RAP1GAP2: variants seen among roughly 807,000 people sequenced by gnomAD.
RAP1GAP2 encodes the protein rap1 GTPase-activating protein 2.
Under a neutral mutation model 95.0 loss-of-function variants are expected in RAP1GAP2, and 27 were observed. The observed-to-expected ratio is 0.28, with a 90% CI of 0.21 to 0.39. The LOEUF (loss-of-function observed/expected upper bound fraction) is 0.39, where lower values mean the gene tolerates loss of function less well. Ranked by LOEUF, RAP1GAP2 falls within the 10% of genes least tolerant of loss-of-function variation. RAP1GAP2 has a pLI of 1.00. For missense variants in RAP1GAP2, 771 were observed against 970.0 expected, an observed-to-expected ratio of 0.79 and a Z score of 2.72; for synonymous variants, 373 against 380.9, an observed-to-expected ratio of 0.98 and a Z score of 0.24.
At chr17:2,862,254 C>G (rs965526655) in intron 2 of RAP1GAP2, among the ~76,000 whole-genome samples, 5 of 152,176 alleles carry the variant, frequency 3.3e-5, no homozygotes, top group African/African-American at 1.2e-4. Context: ...GCAGAGGCAG[C>G]CTCCCTTCAT....
chr17:2,854,219 C>T (rs946046276), intron 2 of RAP1GAP2: 53 of 897,880 alleles, frequency 5.9e-5, no homozygotes, highest in Non-Finnish European at 6.4e-5. Context: ...AAAGCCTCCT[C>T]TCCAGGTACC....
chr17:2,783,969 T>A (rs552952552), intron 1 of RAP1GAP2, among the ~76,000 whole-genome samples: 4 of 152,258 alleles, frequency 2.6e-5, no homozygotes, highest in African/African-American at 9.6e-5. Context: ...ATTTCACTTT[T>A]TATTTTATTT....
In RAP1GAP2 at chr17:2,963,977, AG is replaced by A; in HGVS notation, c.403del (p.Glu135LysfsTer33). 6.2e-7 allele frequency: 1 copy of A among 1,612,852 alleles called. No homozygotes were observed. The highest frequency in any genetic ancestry group is 8.5e-7 in the Non-Finnish European group (1 of 1,179,678). The stretch of plus-strand genomic sequence containing the variant: ...CTGGGGAGCAGCATCTGTGAGGAGG[AG>A]GAAGAGGACAACCTCAGCCCCAACA... ...TSLGSSICEE[E>X]EEDNLSPNTF... On this transcript the variant is annotated frameshift_variant, in exon 7 of 25. Transcript: ENST00000254695. LOFTEE classifies it high-confidence loss of function. The surrounding 1 kb of genome is among the most constrained non-coding windows in gnomAD (Gnocchi z 4.8).
chr17:2,990,346 A>T (rs1423700353), intron 11 of RAP1GAP2, among the ~76,000 whole-genome samples: 2 of 152,164 alleles, frequency 1.3e-5, no homozygotes, highest in African/African-American at 4.8e-5. Context: ...GACTCTGTTT[A>T]GCCTTTGGCA....
At chr17:2,897,837 C>T (rs1219868178) in intron 2 of RAP1GAP2, among the ~76,000 whole-genome samples, 1 of 152,046 alleles carries the variant, frequency 6.6e-6, no homozygotes, top group East Asian at 1.9e-4. Flanking sequence ...CTGGTGCTTT[C>T]TCCCACGGCT....
At chr17:3,031,982 G>GAA (rs2047325589) in intron 23 of RAP1GAP2, among the ~76,000 whole-genome samples, 1 of 148,604 alleles carries the variant, frequency 6.7e-6, no homozygotes, top group Non-Finnish European at 1.5e-5. Flanking sequence ...GGGTCCCCCA[G>GAA]TCCCTTCCTG....
intron 3 of RAP1GAP2, among the ~76,000 whole-genome samples, chr17:2,931,574 A>G (rs551770978): frequency 6.6e-6 from 1 of 152,346 alleles, no homozygotes; most frequent in African/African-American, 2.4e-5. Flanking sequence ...GTTATTTAAC[A>G]TACAGCTTAT....
At chr17:2,938,176 G>A (rs537006002) in intron 3 of RAP1GAP2, among the ~76,000 whole-genome samples, 8 of 152,276 alleles carry the variant, frequency 5.3e-5, no homozygotes, top group Admixed American at 4.6e-4. Flanking sequence ...CAGCCACTTT[G>A]CAGAGTGGCT....
At chr17:2,767,911 T>G (rs1262694422) in intron 1 of RAP1GAP2, among the ~76,000 whole-genome samples, 1 of 152,118 alleles carries the variant, frequency 6.6e-6, no homozygotes, top group African/African-American at 2.4e-5. Context: ...TTCTTTTGTA[T>G]TTTTAGCAAA....
At chr17:3,025,943 G>A in intron 19 of RAP1GAP2, 65 bp from the exon 20 acceptor site, 1 of 1,227,756 alleles carries the variant, frequency 8.1e-7, no homozygotes, top group South Asian at 1.3e-5. Context: ...TCTGCCTGGG[G>A]CCGTGGATGG....
At chr17:2,833,702 A>AC (rs1295638787) in intron 2 of RAP1GAP2, among the ~76,000 whole-genome samples, 2 of 144,098 alleles carry the variant, frequency 1.4e-5, no homozygotes, top group Admixed American at 6.7e-5. Flanking sequence ...AAAAAAAAAA[A>AC]AAAAAAAAAG....
At chr17:3,022,797 A>G (rs1003323934) in intron 19 of RAP1GAP2, among the ~76,000 whole-genome samples, 1 of 152,206 alleles carries the variant, frequency 6.6e-6, no homozygotes, top group Non-Finnish European at 1.5e-5. Flanking sequence ...TCATCTAAAA[A>G]GTTTTTGCCC....
chr17:2,982,673 G>T (rs2045409724), intron 10 of RAP1GAP2, among the ~76,000 whole-genome samples: 1 of 151,928 alleles, frequency 6.6e-6, no homozygotes, highest in Admixed American at 6.6e-5. Flanking sequence ...GAATGAGTGG[G>T]GTTTAACCAG....
intron 3 of RAP1GAP2, among the ~76,000 whole-genome samples, chr17:2,937,548 G>A (rs1367431572): frequency 2.0e-5 from 3 of 152,220 alleles, no homozygotes; most frequent in African/African-American, 4.8e-5. Flanking sequence ...GCACGTGCAG[G>A]AGGGAGCTGG....
At chr17:2,969,230 T>C (rs192394727) in intron 8 of RAP1GAP2, among the ~76,000 whole-genome samples, 57 of 151,754 alleles carry the variant, frequency 3.8e-4, no homozygotes, top group African/African-American at 1.3e-3. Context: ...TTTGATCCTC[T>C]AACAGATTTT....
At chr17:3,021,430 C>CTT (rs57099220) in intron 19 of RAP1GAP2, among the ~76,000 whole-genome samples, 14 of 95,778 alleles carry the variant, frequency 1.5e-4, no homozygotes, top group South Asian at 5.0e-4. Flanking sequence ...CGATATTTGT[C>CTT]TTTTTTTTTT....
At chr17:2,861,432 T>C (rs1165806409) in intron 2 of RAP1GAP2, among the ~76,000 whole-genome samples, 3 of 151,600 alleles carry the variant, frequency 2.0e-5, no homozygotes, top group Admixed American at 6.6e-5. Context: ...AGAGGCCTCC[T>C]GGCTCCCCTA....
rs11441936 is a variant in RAP1GAP2 at position 2,848,501 on chromosome 17, CTTTT to C, written c.80+47961_80+47964del. 2.1e-5 allele frequency among the ~76,000 whole-genome samples: 3 copies of C among 142,300 alleles called. No homozygotes were observed. The Admixed American group carries it at 2.1e-4, about 10-fold the overall frequency. The allele number at this position is 142,300 out of a possible 152,430, so 93.4% of individuals were successfully genotyped here. A position where few individuals can be genotyped will look rare whatever the true frequency, so the allele number is the denominator to read the frequency against. ...TTTCCTGCATCTCTCTCTTTTCCTT[CTTTT>C]TTTTTTTTTAATTAGTTATTTATTT... On this transcript the variant is annotated intron_variant, in intron 2 of 24. Coordinates refer to ENST00000254695, the MANE Select transcript of RAP1GAP2 (RefSeq NM_015085.5).
intron 3 of RAP1GAP2, among the ~76,000 whole-genome samples, chr17:2,927,372 C>G (rs553018751): frequency 3.3e-5 from 5 of 152,100 alleles, no homozygotes; most frequent in African/African-American, 1.2e-4. Flanking sequence ...CCAGGATGGT[C>G]TCGATCTCCT....
Sources: gnomAD v4.1 joint callset for allele counts (sites outside exome capture counted in the v4.1 genomes callset) on GRCh38, gnomAD v4.1.1 for gene constraint, Gnocchi (gnomAD v3.1) non-coding constraint, MANE v1.5 for transcripts, NCBI Gene and HGNC (gene_info 2026-07-23, HGNC 2026-07-21) for gene names.